The following FAM174C variants were observed in gnomAD, a reference collection of about 807,000 sequenced individuals.
FAM174C encodes protein FAM174C.
A neutral mutation model predicts 12.3 loss-of-function variants in FAM174C; 19 were observed. That is an observed-to-expected ratio of 1.55 (90% CI 1.08 to 2.27). The LOEUF (loss-of-function observed/expected upper bound fraction) is 2.27, where lower values mean the gene tolerates loss of function less well. Ranked by LOEUF, FAM174C falls within the 30% of genes most tolerant of loss-of-function variation. The pLI is 0.00. For synonymous variants in FAM174C, 147 were observed against 103.5 expected, an observed-to-expected ratio of 1.42 and a Z score of -2.55; for missense variants, 239 against 190.2, an observed-to-expected ratio of 1.26 and a Z score of -1.51.
chr19:1,275,588 C>T lies in FAM174C; in HGVS notation c.39C>T (p.Leu13=), dbSNP rs527490514. Residue 13 remains leucine, a synonymous_variant, in exon 1 of 3, where the codon CTC becomes CTT. Transcript: ENST00000409293. The stretch of plus-strand genomic sequence containing the variant: ...TGCTGCAGCCGCCGCTGCTGCTGCT[C>T]CTGCTGGCGCTGCTGCTGGCGGCGC... ...PRVLQPPLLL[L]LLALLLAALP... 12 of 1,238,764 alleles carry T rather than the reference C, an allele frequency of 9.7e-6. No individual in the cohort carries two copies. The highest frequency in any genetic ancestry group is 4.3e-5 in the Admixed American group (1 of 23,198). The allele number at this position is 1,238,764 out of a possible 1,614,324, so 76.7% of individuals were successfully genotyped here.
intron 2 of FAM174C, 100 bp from the exon 3 acceptor site, chr19:1,278,676 GC>G (rs748033600): frequency 1.2e-4 from 184 of 1,561,412 alleles, no homozygotes; most frequent in Non-Finnish European, 7.3e-5. Context: ...AGACCGAGGG[GC>G]CTGGACAGGC....
chr19:1,277,440 G>A, intron 2 of FAM174C, 141 bp downstream of exon 2: 1 of 1,308,978 alleles, frequency 7.6e-7, no homozygotes, highest in Non-Finnish European at 1.0e-6. Flanking sequence ...GCCCCACTGG[G>A]CAGGGCTCAT....
intron 2 of FAM174C, 123 bp from the exon 3 acceptor site, chr19:1,278,654 C>T (rs1366397539): frequency 6.6e-7 from 1 of 1,513,366 alleles, no homozygotes; most frequent in Non-Finnish European, 8.9e-7. Flanking sequence ...TGGGGGGAGG[C>T]TGGGCCCTGG....
chr19:1,278,868 C>G lies in FAM174C; in HGVS notation c.*91C>G, dbSNP rs375447420. The G allele has an allele frequency of 1.2e-6, 2 of 1,612,934 alleles. No homozygotes were observed. Among genetic ancestry groups the G allele is most frequent in the Non-Finnish European group, 1.7e-6 (2 of 1,179,834 alleles). On this transcript the variant is annotated 3_prime_UTR_variant, in exon 3 of 3. Transcript: ENST00000409293. The stretch of plus-strand genomic sequence containing the variant: ...AGTGCCCAGCAACCCCCTGCTCCAC[C>G]GCTCATTCCCCTGCTGGCCCCGGGG...
At position 1,275,792 on chromosome 19, in the gene FAM174C, C is replaced by A; in HGVS notation, c.243C>A (p.Cys81Ter). The A allele has an allele frequency of 1.3e-6, 2 of 1,538,894 alleles. No homozygotes were observed. Among genetic ancestry groups the A allele is most frequent in the Non-Finnish European group, 1.7e-6 (2 of 1,146,314 alleles). The change falls in exon 1 of 3, where the codon TGC (cysteine) becomes TGA (stop). Residue 81 changes from cysteine to a stop codon, truncating the protein, a stop_gained. Coordinates refer to ENST00000409293, the MANE Select transcript of FAM174C (RefSeq NM_017914.4). LOFTEE classifies it high-confidence loss of function. ...CCTTCTACGTGATCCTGGGCTTCTG[C>A]GGCCTGACCGCGCTCTACTTCCTGA... is the stretch of plus-strand genomic sequence containing the variant. ...TRSFYVILGF[C>*]GLTALYFLIR...
intron 1 of FAM174C, chr19:1,276,541 G>A (rs1600042077): frequency 6.6e-6 from 1 of 152,356 alleles, no homozygotes; most frequent in Non-Finnish European, 1.5e-5. Context: ...CCCTGGCAAA[G>A]TCAAGCCGCT....
chr19:1,277,004 A>G, intron 1 of FAM174C, 179 bp from the exon 2 acceptor site: 1 of 979,204 alleles, frequency 1.0e-6, no homozygotes, highest in Admixed American at 3.1e-5. Flanking sequence ...TGTCATCGCC[A>G]TGGGAGTGAA....
rs2081409564 is a variant in FAM174C, at chr19:1,275,731, G to A, written c.182G>A (p.Arg61His). The change falls in exon 1 of 3, where the codon CGT becomes CAT. Residue 61 changes from arginine (R) to histidine (H), a missense_variant. Physicochemically the swap from Arg to His is conservative, Grantham distance 29 (BLOSUM62 0). Transcript: ENST00000409293. ...PGAPHNSTHTRPPGASGSALT... is the reference protein window; with the variant it reads ...PGAPHNSTHTHPPGASGSALT... The stretch of plus-strand genomic sequence containing the variant: ...GCGCCACACAACAGCACGCACACGC[G>A]TCCGCCGGGGGCGTCGGGCTCGGCG... 2 of 1,533,300 alleles carry A rather than the reference G, an allele frequency of 1.3e-6. No individual in the cohort carries two copies. Among genetic ancestry groups the A allele is most frequent in the East Asian group, 2.5e-5 (1 of 39,776 alleles). 95.0% of individuals were successfully genotyped at this position (1,533,300 alleles called of 1,614,324 possible).
rs2081427555 is a variant in FAM174C, at chr19:1,278,906, A to G, written c.*129A>G. On this transcript the variant is annotated 3_prime_UTR_variant, in exon 3 of 3. Transcript: ENST00000409293. ...GCTGGCCCCGGGGCTGGTCTCACCC[A>G]GTGCCAACCCGAGAGCTCCTTTTGG... 2 of 1,613,172 alleles carry G rather than the reference A, an allele frequency of 1.2e-6. No homozygotes were observed. Among genetic ancestry groups the G allele is most frequent in the East Asian group, 4.5e-5 (2 of 44,874 alleles).
chr19:1,278,962 C>T lies in FAM174C; in HGVS notation c.*185C>T. 2.5e-6 allele frequency: 4 copies of T among 1,612,772 alleles called. No homozygotes were observed. In the South Asian group the frequency reaches 3.3e-5, roughly 13 times the overall value. ...GCACAGCCCGCCGACCTGTTGCCAC[C>T]TGCACCCACCGCTGGACCATGCAGC... On this transcript the variant is annotated 3_prime_UTR_variant, in exon 3 of 3. Coordinates refer to ENST00000409293, the MANE Select transcript of FAM174C (RefSeq NM_017914.4).
At chr19:1,278,286 C>T (rs1007383151) in intron 2 of FAM174C, among the ~76,000 whole-genome samples, 5 of 152,202 alleles carry the variant, frequency 3.3e-5, no homozygotes, top group African/African-American at 9.7e-5. Context: ...AGGGAGCGGC[C>T]GGGCTGCGCA....
At position 1,277,300 on chromosome 19, in the gene FAM174C, G is replaced by GT. The variant is rs1296422127; in HGVS notation, c.398+2dup. On this transcript the variant is annotated splice_donor_variant, in intron 2 of 2. Transcript: ENST00000409293. LOFTEE classifies it high-confidence loss of function. ...TGTTTGAGTCCCGGAATCTGAGATG[G>GT]TGTGCACCCTTCCCCAGCTCTGGGG... The GT allele has an allele frequency of 6.5e-7, 1 of 1,543,550 alleles. No homozygotes were observed. Among genetic ancestry groups the GT allele is most frequent in the Admixed American group, 2.0e-5 (1 of 50,872 alleles).
intron 1 of FAM174C, 42 bp downstream of exon 1, chr19:1,275,872 A>G: frequency 6.6e-7 from 1 of 1,517,722 alleles, no homozygotes; most frequent in Non-Finnish European, 8.8e-7. Flanking sequence ...AGCCTTGGCC[A>G]ATTAGCGCGC....
intron 1 of FAM174C, chr19:1,276,032 A>T: frequency 5.4e-6 from 3 of 558,684 alleles, no homozygotes; most frequent in Non-Finnish European, 9.3e-6. Flanking sequence ...CCCGCTCTCC[A>T]GCCTGCGCCT....
chr19:1,278,379 A>G (rs1168214330), intron 2 of FAM174C, among the ~76,000 whole-genome samples: 1 of 150,934 alleles, frequency 6.6e-6, no homozygotes, highest in African/African-American at 2.4e-5. Context: ...AATGATGGGT[A>G]TGTTGCGCTG....
At chr19:1,277,360 G>T (rs2081420221) in intron 2 of FAM174C, 61 bp downstream of exon 2, 7 of 1,512,380 alleles carry the variant, frequency 4.6e-6, no homozygotes, top group Admixed American at 4.0e-5. Flanking sequence ...GACTCAGCAG[G>T]ACCCTGGGGA....
Position 1,275,628 on chromosome 19 carries a change from G to A in FAM174C, c.79G>A (p.Glu27Lys), listed in dbSNP as rs989083216. Residue 27 changes from glutamate to lysine, a missense_variant, in exon 1 of 3, where the codon GAA (glutamate) becomes AAA (lysine). By Grantham distance (56) the Glu-to-Lys change is moderately conservative (BLOSUM62 1). Coordinates refer to ENST00000409293, the MANE Select transcript of FAM174C (RefSeq NM_017914.4). ...GCTGGCGGCGCTGCCGTGCGGTGCCGAAGAGGCCTCGCCGCTGCGCCCCGC... is the reference window on the plus strand; with the variant it reads ...GCTGGCGGCGCTGCCGTGCGGTGCCAAAGAGGCCTCGCCGCTGCGCCCCGC... ...LLLAALPCGA[E>K]EASPLRPAQV... is the part of the protein sequence containing the mutation. The A allele has an allele frequency of 3.7e-5, 51 of 1,362,568 alleles. No homozygotes were observed. The Admixed American group carries it at 5.6e-4, about 15-fold the overall frequency. The allele number at this position is 1,362,568 out of a possible 1,614,324, so 84.4% of individuals were successfully genotyped here. A position where few individuals can be genotyped will look rare whatever the true frequency, so the allele number is the denominator to read the frequency against.
Position 1,275,753 on chromosome 19 carries a change from G to A in FAM174C, c.204G>A (p.Ser68=), listed in dbSNP as rs1172740488. Residue 68 remains serine (S), a synonymous_variant, in exon 1 of 3, where the codon TCG becomes TCA. Coordinates refer to ENST00000409293, the MANE Select transcript of FAM174C (RefSeq NM_017914.4). ...THTRPPGASG[S]ALTRSFYVIL... ...CGCGTCCGCCGGGGGCGTCGGGCTC[G>A]GCGCTGACGCGCTCCTTCTACGTGA... The A allele has an allele frequency of 6.5e-7, 1 of 1,535,632 alleles. No individual in the cohort carries two copies.
intron 1 of FAM174C, 51 bp downstream of exon 1, chr19:1,275,881 G>A: frequency 6.7e-7 from 1 of 1,495,838 alleles, no homozygotes; most frequent in Non-Finnish European, 9.0e-7. Flanking sequence ...CAATTAGCGC[G>A]CGCCTAGTGC....
Sources: allele counts gnomAD v4.1 joint callset (sites outside exome capture counted in the v4.1 genomes callset), GRCh38; gene constraint gnomAD v4.1.1; transcripts MANE v1.5; gene names NCBI Gene and HGNC (gene_info 2026-07-23, HGNC 2026-07-21).